The following PBX3 variants were observed in gnomAD, a reference collection of about 807,000 sequenced individuals.
The protein encoded by PBX3 is pre-B-cell leukemia transcription factor 3.
A neutral mutation model predicts 48.5 loss-of-function variants in PBX3; 14 were observed. The observed-to-expected ratio is 0.29, with a 90% confidence interval of 0.19 to 0.45. PBX3 has a LOEUF of 0.45. Ranked by LOEUF, PBX3 falls within the 20% of genes least tolerant of loss-of-function variation. The pLI is 1.00. For synonymous variants in PBX3, 210 were observed against 200.3 expected (o/e 1.05, Z -0.41); for missense variants, 386 against 546.7 (o/e 0.71, Z 2.93).
intron 2 of PBX3, among the ~76,000 whole-genome samples, chr9:125,803,191 C>G (rs1055094626): frequency 1.3e-5 from 2 of 150,432 alleles, no homozygotes; most frequent in Non-Finnish European, 2.9e-5. Context: ...TCAGGTGATC[C>G]TCCCTCCCAC....
At chr9:125,827,960 G>A (rs1183846938) in intron 2 of PBX3, among the ~76,000 whole-genome samples, 1 of 152,084 alleles carries the variant, frequency 6.6e-6, no homozygotes, top group African/African-American at 2.4e-5. Context: ...GTTTGTTCTG[G>A]AACTACGCAT....
intron 2 of PBX3, among the ~76,000 whole-genome samples, chr9:125,829,143 A>G (rs1838887691): frequency 6.6e-6 from 1 of 152,224 alleles, no homozygotes; most frequent in Non-Finnish European, 1.5e-5. Context: ...TCAATTTTAA[A>G]TGTTAAAGAC....
rs369506959 is a variant in PBX3, at chr9:125,899,441, G to GTATA, written c.275-16234_275-16231dup. ...TATATGTATGTCTATATATATGTGT[G>GTATA]TATATATATATATAGAGAGAGAGAG... On this transcript the variant is annotated intron_variant, in intron 2 of 8. Coordinates refer to ENST00000373489, the MANE Select transcript of PBX3 (RefSeq NM_006195.6). 2.4e-3 allele frequency among the ~76,000 whole-genome samples: 184 copies of GTATA among 76,500 alleles called. 6 individuals are homozygous for GTATA. The highest frequency in any genetic ancestry group is 7.1e-3 in the African/African-American group (119 of 16,790). The allele number at this position is 76,500 out of a possible 152,430, so 50.2% of individuals were successfully genotyped here.
chr9:125,853,172 A>T (rs778847680), intron 2 of PBX3, among the ~76,000 whole-genome samples: 19 of 152,176 alleles, frequency 1.2e-4, no homozygotes, highest in Non-Finnish European at 2.1e-4. Context: ...CAGAATTTAA[A>T]TTGTACTCCT....
chr9:125,834,618 G>C (rs978170709), intron 2 of PBX3, among the ~76,000 whole-genome samples: 26 of 151,352 alleles, frequency 1.7e-4, no homozygotes, highest in African/African-American at 6.1e-4. Context: ...AGCCGGTCTT[G>C]AACTCCTGAC....
intron 2 of PBX3, among the ~76,000 whole-genome samples, chr9:125,803,798 C>T (rs1211637811): frequency 6.6e-6 from 1 of 152,168 alleles, no homozygotes; most frequent in Non-Finnish European, 1.5e-5. Context: ...TACTCATCTA[C>T]CTCTAATTTT....
chr9:125,751,556 T>C (rs922846752), intron 2 of PBX3, among the ~76,000 whole-genome samples: 2 of 152,254 alleles, frequency 1.3e-5, no homozygotes, highest in African/African-American at 4.8e-5. Flanking sequence ...ATGCTGCTTT[T>C]TCTTGAGAAT....
intron 2 of PBX3, among the ~76,000 whole-genome samples, chr9:125,783,970 C>T (rs1294241631): frequency 6.6e-6 from 1 of 152,070 alleles, no homozygotes; most frequent in Non-Finnish European, 1.5e-5. Context: ...CACCGCACTG[C>T]AGCCTGAGTG....
At chr9:125,922,295 A>G (rs1841473992) in intron 3 of PBX3, among the ~76,000 whole-genome samples, 1 of 152,194 alleles carries the variant, frequency 6.6e-6, no homozygotes, top group Non-Finnish European at 1.5e-5. Context: ...TTGATTGAAA[A>G]TGGTTTTAAC....
chr9:125,756,570 G>A (rs1249834235), intron 2 of PBX3, among the ~76,000 whole-genome samples: 1 of 152,160 alleles, frequency 6.6e-6, no homozygotes, highest in African/African-American at 2.4e-5. Flanking sequence ...TTTAGTTCAA[G>A]TGTCTGAATT....
intron 2 of PBX3, among the ~76,000 whole-genome samples, chr9:125,765,077 A>G (rs911663831): frequency 3.9e-5 from 6 of 152,252 alleles, no homozygotes; most frequent in African/African-American, 1.4e-4. Context: ...GATTATATAC[A>G]GATACTGACC....
At chr9:125,763,972 T>C (rs944696246) in intron 2 of PBX3, among the ~76,000 whole-genome samples, 1 of 152,220 alleles carries the variant, frequency 6.6e-6, no homozygotes, top group Non-Finnish European at 1.5e-5. Flanking sequence ...AAATCACACA[T>C]TCTTTTCTTC....
chr9:125,841,964 A>G (rs1228172321), intron 2 of PBX3, among the ~76,000 whole-genome samples: 1 of 152,172 alleles, frequency 6.6e-6, no homozygotes, highest in Non-Finnish European at 1.5e-5. Flanking sequence ...AAATTTGAGT[A>G]AAAGACTATA....
At chr9:125,747,680 T>C (rs1836230179) in intron 1 of PBX3, 27 bp downstream of exon 1, 1 of 1,536,148 alleles carries the variant, frequency 6.5e-7, no homozygotes, top group Non-Finnish European at 8.8e-7. Flanking sequence ...TAAGCATCTT[T>C]TGTGTGTGTG....
chr9:125,798,999 A>G (rs1359121785), intron 2 of PBX3, among the ~76,000 whole-genome samples: 1 of 152,116 alleles, frequency 6.6e-6, no homozygotes, highest in Non-Finnish European at 1.5e-5. Flanking sequence ...GCATTCTTAA[A>G]AATATGTAAT....
At chr9:125,803,425 A>G (rs1438535990) in intron 2 of PBX3, among the ~76,000 whole-genome samples, 1 of 152,198 alleles carries the variant, frequency 6.6e-6, no homozygotes, top group Non-Finnish European at 1.5e-5. Flanking sequence ...AAAAGTAAAA[A>G]AAAAAATTAT....
At chr9:125,962,319 G>T in intron 7 of PBX3, 105 bp downstream of exon 7, 2 of 598,840 alleles carry the variant, frequency 3.3e-6, no homozygotes, top group Non-Finnish European at 5.9e-6. Flanking sequence ...TGCAGAACCT[G>T]TGCTGGGTGC....
At chr9:125,946,934 G>A (rs1349602410) in intron 5 of PBX3, among the ~76,000 whole-genome samples, 2 of 152,168 alleles carry the variant, frequency 1.3e-5, no homozygotes, top group East Asian at 1.9e-4. Flanking sequence ...AAAGCAGCTA[G>A]AGGGAAAAGT....
intron 2 of PBX3, among the ~76,000 whole-genome samples, chr9:125,867,754 A>C (rs7027106): frequency 0.42 from 60,976 of 145,502 alleles, 12,368 homozygotes; most frequent in African/African-American, 0.52. Flanking sequence ...CTCTCTCTCT[A>C]TATATATATA....
Sources: allele counts gnomAD v4.1 joint callset (sites outside exome capture counted in the v4.1 genomes callset), GRCh38; gene constraint gnomAD v4.1.1; transcripts MANE v1.5; gene names NCBI Gene and HGNC (gene_info 2026-07-23, HGNC 2026-07-21).